ADGRV1: variants seen among roughly 807,000 people sequenced by gnomAD.
The protein encoded by ADGRV1 is G-protein coupled receptor 98.
A neutral mutation model predicts 596.2 loss-of-function variants in ADGRV1; 359 were observed. The observed-to-expected ratio is 0.60, with a 90% CI of 0.55 to 0.66. ADGRV1 has a LOEUF of 0.66. ADGRV1 is among the 30% of genes least tolerant of loss of function. The pLI is 0.00. For missense variants in ADGRV1, 7,274 were observed against 7,575.6 expected, an observed-to-expected ratio of 0.96 and a Z score of 1.48; for synonymous variants, 2,681 against 2,679.2, an observed-to-expected ratio of 1.00 and a Z score of -0.02.
At chr5:90,986,941 A>G (rs1780544769) in intron 85 of ADGRV1, among the ~76,000 whole-genome samples, 1 of 152,134 alleles carries the variant, frequency 6.6e-6, no homozygotes, top group African/African-American at 2.4e-5. Context: ...TTAGCATTAC[A>G]TGTATACCCA....
intron 1 of ADGRV1, among the ~76,000 whole-genome samples, chr5:90,580,695 C>T (rs569553356): frequency 6.6e-6 from 1 of 152,314 alleles, no homozygotes; most frequent in East Asian, 1.9e-4. Flanking sequence ...CAACCTTTCT[C>T]TCTGGCTGCC....
At position 90,694,650 on chromosome 5, in the gene ADGRV1, A is replaced by G; in HGVS notation, c.7894A>G (p.Thr2632Ala). ...VEWRVVGGTA[T>A]EGLDFIGAGE... The stretch of plus-strand genomic sequence containing the variant: ...ATGGCGTGTTGTTGGTGGAACAGCT[A>G]CTGAAGGTTTAGATTTTATAGGTGC... The change falls in exon 33 of 90, where the codon ACT (threonine) becomes GCT (alanine). Residue 2632 changes from threonine to alanine, a missense_variant. Around this residue, in one of 5 missense-constraint regions of ADGRV1, gnomAD observed 3,643 missense variants for 3,809.2 expected, o/e 0.96. Coordinates refer to ENST00000405460, the MANE Select transcript of ADGRV1 (RefSeq NM_032119.4). 2 of 1,612,086 alleles carry G rather than the reference A, an allele frequency of 1.2e-6. No individual in the cohort carries two copies. The highest frequency in any genetic ancestry group is 1.1e-5 in the South Asian group (1 of 90,814).
chr5:90,810,983 A>T lies in ADGRV1; in HGVS notation c.15723A>T (p.Ala5241=). The change falls in exon 74 of 90, where the codon GCA becomes GCT. Residue 5241 remains alanine (A), a synonymous_variant. Transcript: ENST00000405460. ...TGAAGAATGGCACATTCAACACTGC[A>T]GAAGTTCTTATCCGAAGAACTGGTG... is the stretch of plus-strand genomic sequence containing the variant. The part of the protein sequence containing the change: ...EEMKNGTFNT[A]EVLIRRTGGF... 1 of 1,614,052 alleles carries T rather than the reference A, an allele frequency of 6.2e-7. No homozygotes were observed. Among genetic ancestry groups the T allele is most frequent in the Non-Finnish European group, 8.5e-7 (1 of 1,179,906 alleles).
intron 83 of ADGRV1, among the ~76,000 whole-genome samples, chr5:90,880,708 C>T (rs1769677110): frequency 6.6e-6 from 1 of 152,172 alleles, no homozygotes; most frequent in African/African-American, 2.4e-5. Context: ...CTCAGCTTCT[C>T]TGAACATTGT....
intron 29 of ADGRV1, among the ~76,000 whole-genome samples, chr5:90,689,409 A>G (rs1746168537): frequency 6.7e-6 from 1 of 149,558 alleles, no homozygotes; most frequent in African/African-American, 2.5e-5. Flanking sequence ...TATGCAAGAA[A>G]GTCTTTTCAT....
intron 1 of ADGRV1, among the ~76,000 whole-genome samples, chr5:90,568,101 T>C (rs1755887684): frequency 6.6e-6 from 1 of 152,164 alleles, no homozygotes. Context: ...TGTATTTCTA[T>C]TCTATATTTT....
intron 45 of ADGRV1, among the ~76,000 whole-genome samples, chr5:90,722,246 C>T (rs1357891109): frequency 6.6e-6 from 1 of 152,082 alleles, no homozygotes; most frequent in Non-Finnish European, 1.5e-5. Flanking sequence ...CCAAAGATGA[C>T]TCAGGCTTCT....
chr5:90,612,018 T>C (rs536141678), intron 1 of ADGRV1, among the ~76,000 whole-genome samples: 1 of 152,058 alleles, frequency 6.6e-6, no homozygotes, highest in Non-Finnish European at 1.5e-5. Context: ...GCAAAGGAGA[T>C]GCAATTATCA....
At chr5:90,921,337 A>ATTTT (rs1348091347) in intron 83 of ADGRV1, among the ~76,000 whole-genome samples, 1 of 151,600 alleles carries the variant, frequency 6.6e-6, no homozygotes, top group Non-Finnish European at 1.5e-5. Flanking sequence ...TTATTTATTT[A>ATTTT]TTGCTTTTGG....
rs530632587 is a variant in ADGRV1 at position 90,811,216 on chromosome 5, A to G, written c.15956A>G (p.Asp5319Gly). The G allele has an allele frequency of 1.2e-6, 2 of 1,613,290 alleles. No individual in the cohort carries two copies. Among genetic ancestry groups the G allele is most frequent in the African/African-American group, 2.7e-5 (2 of 75,048 alleles). The change falls in exon 74 of 90, where the codon GAT (aspartate) becomes GGT (glycine). Residue 5319 changes from aspartate to glycine, a missense_variant. Asp to Gly is a moderately conservative substitution (Grantham distance 94). This residue lies in a region of ADGRV1 where 1,874 missense variants were observed against 1,970.2 expected (regional missense o/e 0.95). Coordinates refer to ENST00000405460, the MANE Select transcript of ADGRV1 (RefSeq NM_032119.4). ...ERKVSVQILD[D>G]DEPEGQEFFY... is the part of the protein sequence containing the mutation. Reference sequence around the variant, plus strand: ...AAAGTATCAGTTCAAATTTTGGATGATGATGAGCCTGAGGGGCAGGAATTC... The same window carrying G: ...AAAGTATCAGTTCAAATTTTGGATGGTGATGAGCCTGAGGGGCAGGAATTC...
intron 83 of ADGRV1, among the ~76,000 whole-genome samples, chr5:90,869,572 G>A (rs1768466953): frequency 1.3e-5 from 2 of 152,154 alleles, no homozygotes; most frequent in African/African-American, 2.4e-5. Flanking sequence ...ATTAGGATGG[G>A]TTCTGAGCTT....
intron 83 of ADGRV1, among the ~76,000 whole-genome samples, chr5:90,913,132 G>A (rs1293237828): frequency 6.6e-6 from 1 of 152,112 alleles, no homozygotes; most frequent in South Asian, 2.1e-4. Flanking sequence ...CTAATTTGGG[G>A]CCCCAGGAAA....
chr5:90,594,638 A>G (rs250370), intron 1 of ADGRV1, among the ~76,000 whole-genome samples: 86,253 of 141,564 alleles, frequency 0.61, 27,331 homozygotes, highest in African/African-American at 0.78. Context: ...GCGGCCTTCC[A>G]CAGCGTTTGT....
At chr5:90,842,980 A>G (rs768977323) in intron 78 of ADGRV1, among the ~76,000 whole-genome samples, 5 of 152,108 alleles carry the variant, frequency 3.3e-5, no homozygotes, top group Non-Finnish European at 5.9e-5. Flanking sequence ...CAGAAAATAT[A>G]TAAAGAAAAC....
intron 1 of ADGRV1, among the ~76,000 whole-genome samples, chr5:90,611,694 G>C (rs1469225592): frequency 6.6e-6 from 1 of 151,394 alleles, no homozygotes; most frequent in Non-Finnish European, 1.5e-5. Flanking sequence ...GGTCTGATGG[G>C]GCATGAAAAA....
At chr5:90,891,520 T>C (rs572282809) in intron 83 of ADGRV1, among the ~76,000 whole-genome samples, 36 of 151,624 alleles carry the variant, frequency 2.4e-4, no homozygotes, top group Non-Finnish European at 4.7e-4. Flanking sequence ...ACATGAAAAA[T>C]ATATTTGGAG....
rs527622327 is a variant in ADGRV1, at chr5:90,722,952, G to A, written c.9749-1880G>A. 3.3e-5 allele frequency among the ~76,000 whole-genome samples: 5 copies of A among 152,110 alleles called. No homozygotes were observed. In the South Asian group the frequency reaches 1.0e-3, roughly 32 times the overall value. On this transcript the variant is annotated intron_variant, in intron 45 of 89. Transcript: ENST00000405460. ...ATGGCCTAGCAAAGGAGACTTAGGG[G>A]ACCTGGTAGGAAACTCAGGAGAAAA...
chr5:90,656,491 G>A (rs1274309891), intron 20 of ADGRV1, among the ~76,000 whole-genome samples: 2 of 152,200 alleles, frequency 1.3e-5, no homozygotes, highest in African/African-American at 4.8e-5. Context: ...GGTTTTGTGA[G>A]AATCAGGGGA....
chr5:90,903,944 T>G (rs544192074), intron 83 of ADGRV1, among the ~76,000 whole-genome samples: 1 of 151,994 alleles, frequency 6.6e-6, no homozygotes, highest in Non-Finnish European at 1.5e-5. Flanking sequence ...CTGGTAACCA[T>G]CCTTCTACTC....
Sources: gnomAD v4.1 joint callset for allele counts (sites outside exome capture counted in the v4.1 genomes callset) on GRCh38, gnomAD v4.1.1 for gene constraint, gnomAD v4.1.1 regional missense constraint, MANE v1.5 for transcripts, NCBI Gene and HGNC (gene_info 2026-07-23, HGNC 2026-07-21) for gene names.